TOX2: variants seen among roughly 807,000 people sequenced by gnomAD.
The protein encoded by TOX2 is TOX high mobility group box family member 2.
Under a neutral mutation model 47.4 loss-of-function variants are expected in TOX2, and 15 were observed. That is an observed-to-expected ratio of 0.32 (90% CI 0.21 to 0.49). TOX2 has a LOEUF of 0.49. TOX2 is among the 20% of genes least tolerant of loss of function. TOX2 has a pLI of 0.99. For synonymous variants in TOX2, 290 were observed against 296.6 expected, an observed-to-expected ratio of 0.98 and a Z score of 0.23; for missense variants, 622 against 673.1, an observed-to-expected ratio of 0.92 and a Z score of 0.84.
chr20:44,014,848 G>A (rs1451856480), intron 3 of TOX2, among the ~76,000 whole-genome samples: 3 of 152,156 alleles, frequency 2.0e-5, no homozygotes, highest in Non-Finnish European at 4.4e-5. Context: ...AGGTGGCCAG[G>A]GATAGTGGGA....
chr20:44,028,572 G>C (rs1300453629), intron 3 of TOX2, among the ~76,000 whole-genome samples: 1 of 152,138 alleles, frequency 6.6e-6, no homozygotes, highest in Non-Finnish European at 1.5e-5. Flanking sequence ...ACTCTTCCAA[G>C]CCCTGAGCAG....
intron 2 of TOX2, among the ~76,000 whole-genome samples, chr20:43,980,645 A>G (rs916246391): frequency 6.6e-6 from 1 of 152,204 alleles, no homozygotes; most frequent in African/African-American, 2.4e-5. Context: ...GTACACACAA[A>G]AATTAAAAAT....
At chr20:44,041,689 T>C (rs933403356) in intron 3 of TOX2, among the ~76,000 whole-genome samples, 6 of 152,226 alleles carry the variant, frequency 3.9e-5, no homozygotes, top group African/African-American at 1.4e-4. Context: ...TATTTGTAAC[T>C]ATAGCAAGAA....
intron 3 of TOX2, among the ~76,000 whole-genome samples, chr20:44,013,925 T>A: frequency 6.7e-6 from 1 of 150,200 alleles, no homozygotes; most frequent in Admixed American, 6.6e-5. Context: ...AGGTCAGGAG[T>A]TCAAGACCAG....
At chr20:43,941,382 G>A (rs984417873) in intron 1 of TOX2, among the ~76,000 whole-genome samples, 1 of 150,792 alleles carries the variant, frequency 6.6e-6, no homozygotes, top group African/African-American at 2.4e-5. Context: ...GCCCAGGCTG[G>A]AGTACAATGG....
intron 1 of TOX2, among the ~76,000 whole-genome samples, chr20:43,953,235 A>AATTTG (rs1555832726): frequency 6.6e-6 from 1 of 151,460 alleles, no homozygotes; most frequent in Middle Eastern, 3.4e-3. Flanking sequence ...GTAAGAGAAT[A>AATTTG]TGTTGTTTTA....
chr20:43,992,863 A>AAG (rs574101869), intron 2 of TOX2, among the ~76,000 whole-genome samples: 20,051 of 149,948 alleles, frequency 0.13, 1,712 homozygotes, highest in Middle Eastern at 0.29. Context: ...AAAAAAAAAA[A>AAG]AAAGAAAAAA....
intron 1 of TOX2, among the ~76,000 whole-genome samples, chr20:43,960,038 C>T (rs766881750): frequency 1.3e-5 from 2 of 152,168 alleles, no homozygotes; most frequent in African/African-American, 2.4e-5. Flanking sequence ...ACATAACCTC[C>T]CTCGACCTCA....
At chr20:43,949,419 G>A (rs138540178) in intron 1 of TOX2, among the ~76,000 whole-genome samples, 311 of 152,258 alleles carry the variant, frequency 2.0e-3, no homozygotes, top group Non-Finnish European at 2.6e-3. Flanking sequence ...CACCTGATGC[G>A]CACATCCCTC....
intron 1 of TOX2, chr20:43,945,571 C>A (rs1000256491): frequency 3.7e-6 from 1 of 271,166 alleles, no homozygotes; most frequent in Non-Finnish European, 7.3e-6. Context: ...TCCGAAGGCT[C>A]TTCCAGTGCA....
chr20:43,980,385 G>A lies in TOX2; in HGVS notation c.165+6953G>A, dbSNP rs184289220. 1.6e-3 allele frequency among the ~76,000 whole-genome samples: 243 copies of A among 152,288 alleles called. 1 individual carries two copies. Among genetic ancestry groups the A allele is most frequent in the African/African-American group, 5.8e-3 (239 of 41,560 alleles). ...TTACCAGAGGCTGGGAAGGGTAGTG[G>A]GGCAGAGGGGGGACATGGGGATGAT... On this transcript the variant is annotated intron_variant, in intron 2 of 8. Transcript: ENST00000341197.
At chr20:43,976,772 G>A (rs887351189) in intron 2 of TOX2, among the ~76,000 whole-genome samples, 11 of 136,724 alleles carry the variant, frequency 8.0e-5, no homozygotes, top group African/African-American at 3.0e-4. Context: ...CTCACAACGC[G>A]AGCGCGCGCG....
chr20:44,026,826 CCTT>C (rs1356769369), intron 3 of TOX2, among the ~76,000 whole-genome samples: 3 of 152,114 alleles, frequency 2.0e-5, no homozygotes, highest in Non-Finnish European at 2.9e-5. Context: ...GGGCCTCCTT[CCTT>C]CTTCTGTGGG....
intron 5 of TOX2, 70 bp from the exon 6 acceptor site, chr20:44,064,702 TCCCAC>T: frequency 7.0e-7 from 1 of 1,425,958 alleles, no homozygotes; most frequent in Non-Finnish European, 9.8e-7. Context: ...ATCCATGCCT[TCCCAC>T]CCCAGGACCC....
intron 1 of TOX2, among the ~76,000 whole-genome samples, chr20:43,922,906 A>T (rs994972119): frequency 5.3e-5 from 8 of 152,196 alleles, no homozygotes; most frequent in African/African-American, 1.9e-4. Context: ...GGAAAGTTTT[A>T]TTTACTGGGT....
chr20:43,960,816 C>T (rs1221752159), intron 1 of TOX2, among the ~76,000 whole-genome samples: 1 of 152,236 alleles, frequency 6.6e-6, no homozygotes, highest in Middle Eastern at 3.2e-3. Context: ...TTGGTCACCT[C>T]CATGACTCCT....
intron 2 of TOX2, among the ~76,000 whole-genome samples, chr20:43,995,371 A>C (rs1187099582): frequency 6.6e-6 from 1 of 152,188 alleles, no homozygotes; most frequent in Non-Finnish European, 1.5e-5. Context: ...TCATAAAATC[A>C]CTATACCCGT....
At chr20:44,012,538 T>G (rs762117536) in intron 3 of TOX2, among the ~76,000 whole-genome samples, 3 of 152,206 alleles carry the variant, frequency 2.0e-5, no homozygotes, top group Non-Finnish European at 4.4e-5. Context: ...GCTGTGGGAC[T>G]CACTTAGTGC....
At chr20:44,048,819 T>G (rs1339196959) in intron 3 of TOX2, among the ~76,000 whole-genome samples, 1 of 152,086 alleles carries the variant, frequency 6.6e-6, no homozygotes, top group Non-Finnish European at 1.5e-5. Context: ...GATACAATTG[T>G]CTGTCTTCTT....
Sources: gnomAD v4.1 joint callset for allele counts (sites outside exome capture counted in the v4.1 genomes callset) on GRCh38, gnomAD v4.1.1 for gene constraint, MANE v1.5 for transcripts, NCBI Gene and HGNC (gene_info 2026-07-23, HGNC 2026-07-21) for gene names.